The following CHST11 variants were observed in gnomAD, a reference collection of about 807,000 sequenced individuals.
CHST11 encodes C4S-1.
CHST11 carries 9 observed loss-of-function variants against 30.4 expected under a neutral mutation model. That is an observed-to-expected ratio of 0.30 (90% CI 0.18 to 0.52). The LOEUF is 0.52. CHST11 is among the 20% of genes least tolerant of loss of function. CHST11 has a pLI of 0.97. For synonymous variants in CHST11, 152 were observed against 187.8 expected (o/e 0.81, Z 1.56); for missense variants, 348 against 460.6 (o/e 0.76, Z 2.24).
At chr12:104,575,426 G>T (rs1272048615) in intron 1 of CHST11, among the ~76,000 whole-genome samples, 1 of 152,128 alleles carries the variant, frequency 6.6e-6, no homozygotes, top group East Asian at 1.9e-4. Flanking sequence ...ATGTCAGGTG[G>T]GGACAGTGCT....
intron 2 of CHST11, among the ~76,000 whole-genome samples, chr12:104,692,194 G>A (rs1030315912): frequency 1.2e-4 from 19 of 152,162 alleles, no homozygotes; most frequent in African/African-American, 3.9e-4. Context: ...CCCACAGAGC[G>A]AACCTCGGTC....
intron 2 of CHST11, among the ~76,000 whole-genome samples, chr12:104,706,572 C>T (rs986047210): frequency 2.6e-5 from 4 of 152,094 alleles, no homozygotes; most frequent in Non-Finnish European, 5.9e-5. Flanking sequence ...ACCCTACCTA[C>T]ACCAGGAGAC....
intron 2 of CHST11, among the ~76,000 whole-genome samples, chr12:104,736,543 C>G (rs1364867519): frequency 6.6e-6 from 1 of 152,186 alleles, no homozygotes; most frequent in East Asian, 1.9e-4. Context: ...CTCCTGGATT[C>G]TGGCCCAGTT....
intron 2 of CHST11, among the ~76,000 whole-genome samples, chr12:104,691,248 T>G (rs1049640340): frequency 4.6e-5 from 7 of 152,126 alleles, no homozygotes; most frequent in African/African-American, 1.4e-4. Context: ...CAGCTCTGGA[T>G]GGGCTGTGAG....
chr12:104,624,022 C>T (rs1234960524), intron 2 of CHST11, among the ~76,000 whole-genome samples: 3 of 152,128 alleles, frequency 2.0e-5, no homozygotes, highest in Non-Finnish European at 4.4e-5. Flanking sequence ...CTCAGTGTCT[C>T]AGGCTGGGGG....
intron 1 of CHST11, among the ~76,000 whole-genome samples, chr12:104,494,040 T>G (rs146873192): frequency 6.6e-6 from 1 of 152,292 alleles, no homozygotes; most frequent in East Asian, 1.9e-4. Flanking sequence ...ATTTCCGGGC[T>G]CAAGCAAGCC....
intron 2 of CHST11, among the ~76,000 whole-genome samples, chr12:104,666,246 C>T (rs541991254): frequency 5.9e-5 from 9 of 152,250 alleles, no homozygotes; most frequent in South Asian, 4.2e-4. Context: ...GAAATGATCA[C>T]GGGTATAGGT....
intron 1 of CHST11, among the ~76,000 whole-genome samples, chr12:104,480,759 A>G (rs1438915022): frequency 6.6e-6 from 1 of 152,148 alleles, no homozygotes; most frequent in Admixed American, 6.5e-5. Flanking sequence ...GAGCCACCAG[A>G]AGCTGGAAGA....
rs532610018 is a variant in CHST11 at position 104,539,819 on chromosome 12, A to G, written c.119-62087A>G. Among the ~76,000 whole-genome samples, 62 of 152,280 alleles carry G rather than the reference A, an allele frequency of 4.1e-4. 1 individual carries two copies. The South Asian group carries it at 0.013, about 32-fold the overall frequency. On this transcript the variant is annotated intron_variant, in intron 1 of 2. Coordinates refer to ENST00000303694, the MANE Select transcript of CHST11 (RefSeq NM_018413.6). ...AATCTACAATGCTCAAGTCCCTTATATAAAATAATGTAGTAGTATTTGTTT... is the reference window on the plus strand; with the variant it reads ...AATCTACAATGCTCAAGTCCCTTATGTAAAATAATGTAGTAGTATTTGTTT...
rs976396619 is a variant in CHST11 at position 104,721,953 on chromosome 12, A to G, written c.205-34996A>G. Among the ~76,000 whole-genome samples, 124 of 152,218 alleles carry G rather than the reference A, an allele frequency of 8.1e-4. 1 individual carries two copies. The highest frequency in any genetic ancestry group is 2.9e-3 in the African/African-American group (120 of 41,530). On this transcript the variant is annotated intron_variant, in intron 2 of 2. Coordinates refer to ENST00000303694, the MANE Select transcript of CHST11 (RefSeq NM_018413.6). ...AAACTCAGATCCACGTCCCACCTCT[A>G]AATTCTCTGTGGGTTTGTTGTTGTT...
At chr12:104,531,698 AGGACTGGTG>A (rs2038187002) in intron 1 of CHST11, among the ~76,000 whole-genome samples, 1 of 151,980 alleles carries the variant, frequency 6.6e-6, no homozygotes, top group Non-Finnish European at 1.5e-5. Flanking sequence ...ATCCCTTGCT[AGGACTGGTG>A]CAGTAGTCTT....
intron 2 of CHST11, among the ~76,000 whole-genome samples, chr12:104,628,787 C>G (rs1186830585): frequency 6.6e-6 from 1 of 152,226 alleles, no homozygotes; most frequent in African/African-American, 2.4e-5. Flanking sequence ...TTTAGGGTCT[C>G]TAGGGCTGGT....
chr12:104,694,558 T>C (rs1213701801), intron 2 of CHST11, among the ~76,000 whole-genome samples: 2 of 152,202 alleles, frequency 1.3e-5, no homozygotes, highest in African/African-American at 4.8e-5. Context: ...CCCCCTGTTT[T>C]GACGCTGCAT....
chr12:104,550,258 A>G (rs1592758296), intron 1 of CHST11, among the ~76,000 whole-genome samples: 1 of 152,134 alleles, frequency 6.6e-6, no homozygotes, highest in African/African-American at 2.4e-5. Context: ...CATTTCCCCC[A>G]TGTGGTCTGA....
chr12:104,532,206 G>A (rs1419872614), intron 1 of CHST11, among the ~76,000 whole-genome samples: 3 of 152,150 alleles, frequency 2.0e-5, no homozygotes, highest in Admixed American at 1.3e-4. Flanking sequence ...CCATGTCATG[G>A]TGTCTGAACC....
intron 1 of CHST11, among the ~76,000 whole-genome samples, chr12:104,583,964 C>A (rs569018888): frequency 1.3e-5 from 2 of 152,206 alleles, no homozygotes; most frequent in African/African-American, 4.8e-5. Flanking sequence ...CCGCCCTCCT[C>A]GGCCTCCCAA....
Position 104,465,921 on chromosome 12 carries a change from T to G in CHST11, c.118+8392T>G, listed in dbSNP as rs189790387. On this transcript the variant is annotated intron_variant, in intron 1 of 2. Transcript: ENST00000303694. ...TCTCACTCTGTCGCCCAGGCTGGAA[T>G]GTAGTGGCACCGTCTGGCTCCTCTG... Among the ~76,000 whole-genome samples, 682 of 152,134 alleles carry G rather than the reference T, an allele frequency of 4.5e-3. 4 individuals carry two copies. The highest frequency in any genetic ancestry group is 0.016 in the African/African-American group (659 of 41,514).
chr12:104,528,023 G>T (rs142845073), intron 1 of CHST11, among the ~76,000 whole-genome samples: 2 of 152,192 alleles, frequency 1.3e-5, no homozygotes, highest in Non-Finnish European at 2.9e-5. Context: ...CCCTTGACAC[G>T]TGGGGACTAC....
intron 2 of CHST11, among the ~76,000 whole-genome samples, chr12:104,697,740 A>AT (rs1312078116): frequency 1.3e-5 from 2 of 152,224 alleles, no homozygotes; most frequent in Non-Finnish European, 2.9e-5. Context: ...CAGAAGTGGC[A>AT]TGACCTGCCC....
Sources: gnomAD v4.1 joint callset for allele counts (sites outside exome capture counted in the v4.1 genomes callset) on GRCh38, gnomAD v4.1.1 for gene constraint, MANE v1.5 for transcripts, NCBI Gene and HGNC (gene_info 2026-07-23, HGNC 2026-07-21) for gene names.